Variants in LRRFIP1 observed in about 807,000 individuals in gnomAD.
LRRFIP1 encodes the protein LRR binding FLII interacting protein 1.
Under a neutral mutation model 104.4 loss-of-function variants are expected in LRRFIP1, and 62 were observed. The observed-to-expected ratio is 0.59, with a 90% CI of 0.48 to 0.73. The LOEUF (loss-of-function observed/expected upper bound fraction) is 0.73. Ranked by LOEUF, LRRFIP1 falls within the 30% of genes least tolerant of loss-of-function variation. The pLI is 0.00. For synonymous variants in LRRFIP1, 300 were observed against 299.0 expected (o/e 1.00, Z -0.03); for missense variants, 796 against 824.5 (o/e 0.97, Z 0.42).
chr2:237,739,706 T>C (rs1426442055), intron 11 of LRRFIP1, among the ~76,000 whole-genome samples: 2 of 152,176 alleles, frequency 1.3e-5, no homozygotes, highest in Non-Finnish European at 2.9e-5. Context: ...GTTACCCTCC[T>C]GGTTCTCAGA....
At chr2:237,714,650 C>T (rs562649740) in intron 3 of LRRFIP1, among the ~76,000 whole-genome samples, 1 of 152,268 alleles carries the variant, frequency 6.6e-6, no homozygotes, top group African/African-American at 2.4e-5. Context: ...TTAAAAAATT[C>T]CATACAAATT....
chr2:237,659,708 TC>T (rs1349489854), intron 1 of LRRFIP1, among the ~76,000 whole-genome samples: 1 of 151,568 alleles, frequency 6.6e-6, no homozygotes, highest in Non-Finnish European at 1.5e-5. Flanking sequence ...AGCGGTGCGA[TC>T]ATTGCTCATC....
At chr2:237,648,231 A>G (rs748675117) in intron 1 of LRRFIP1, among the ~76,000 whole-genome samples, 18 of 151,866 alleles carry the variant, frequency 1.2e-4, no homozygotes, top group Admixed American at 3.9e-4. Context: ...CTAGCAGCCA[A>G]CTCAGCACCC....
intron 1 of LRRFIP1, among the ~76,000 whole-genome samples, chr2:237,681,166 A>G (rs543665151): frequency 3.9e-5 from 6 of 152,226 alleles, no homozygotes; most frequent in Non-Finnish European, 8.8e-5. Flanking sequence ...AAATACTTTC[A>G]GTGGGTCCTT....
At chr2:237,764,768 T>A (rs2060150220) in intron 19 of LRRFIP1, 1 of 986,076 alleles carries the variant, frequency 1.0e-6, no homozygotes, top group South Asian at 4.7e-5. Context: ...CTTTACCTCA[T>A]ATGAGTCTTT....
At position 237,779,460 on chromosome 2, in the gene LRRFIP1, G is replaced by C; in HGVS notation, c.1851G>C (p.Val617=). The C allele has an allele frequency of 6.2e-7, 1 of 1,613,842 alleles. No homozygotes were observed. Among genetic ancestry groups the C allele is most frequent in the Non-Finnish European group, 8.5e-7 (1 of 1,179,770 alleles). The part of the protein sequence containing the change: ...SALDKTEELE[V]SNGHLVKRLE... ...TGGATAAAACAGAAGAGCTCGAGGT[G>C]AGCAACGGCCACTTAGTGAAGCGTC... The change falls in exon 24 of 24, where the codon GTG becomes GTC. Residue 617 remains valine, a synonymous_variant. Coordinates refer to ENST00000308482, the MANE Select transcript of LRRFIP1 (RefSeq NM_001137550.2).
At chr2:237,759,905 C>A (rs140421912) in intron 18 of LRRFIP1, among the ~76,000 whole-genome samples, 159 bp from the exon 19 acceptor site, 1 of 151,812 alleles carries the variant, frequency 6.6e-6, no homozygotes, top group Non-Finnish European at 1.5e-5. Flanking sequence ...GTGTGTTGAC[C>A]GAATATTTAC....
intron 1 of LRRFIP1, among the ~76,000 whole-genome samples, chr2:237,678,664 C>G (rs1441839330): frequency 1.3e-5 from 2 of 151,886 alleles, no homozygotes; most frequent in South Asian, 4.1e-4. Flanking sequence ...TGCCACCAAG[C>G]CCAGCTAATT....
At chr2:237,709,534 A>G (rs2093973546) in intron 2 of LRRFIP1, among the ~76,000 whole-genome samples, 1 of 152,214 alleles carries the variant, frequency 6.6e-6, no homozygotes, top group Non-Finnish European at 1.5e-5. Flanking sequence ...CAGTGTTTAA[A>G]ACCAGTGAGA....
At chr2:237,630,516 C>G (rs77947897) in intron 1 of LRRFIP1, among the ~76,000 whole-genome samples, 2 of 152,152 alleles carry the variant, frequency 1.3e-5, no homozygotes, top group Non-Finnish European at 2.9e-5. Context: ...ATAAAAAGGG[C>G]GTAGACAGTG....
At position 237,691,417 on chromosome 2, in the gene LRRFIP1, A is replaced by G. The variant is rs2092743210; in HGVS notation, c.97-17127A>G. On this transcript the variant is annotated intron_variant, in intron 1 of 23. Transcript: ENST00000308482. The surrounding 1 kb of genome is among the most constrained non-coding windows in gnomAD (Gnocchi z 5.4). The stretch of plus-strand genomic sequence containing the variant: ...GACGGTGTGGACCCCGGGTTCTGCG[A>G]CGCCAGATCGGCCCCAGCGGCCCGC... Among the ~76,000 whole-genome samples, 1 of 152,062 alleles carries G rather than the reference A, an allele frequency of 6.6e-6. No homozygotes were observed. Among genetic ancestry groups the G allele is most frequent in the African/African-American group, 2.4e-5 (1 of 41,380 alleles).
chr2:237,701,147 C>T (rs2093498703), intron 1 of LRRFIP1, among the ~76,000 whole-genome samples: 1 of 152,192 alleles, frequency 6.6e-6, no homozygotes, highest in African/African-American at 2.4e-5. Flanking sequence ...TTGAAGCAAG[C>T]TGCCCAGCGA....
intron 10 of LRRFIP1, among the ~76,000 whole-genome samples, chr2:237,736,296 A>G (rs2095244901): frequency 6.6e-6 from 1 of 152,226 alleles, no homozygotes. Flanking sequence ...CTTTTATATT[A>G]CATAAGTTGT....
At chr2:237,720,507 C>A (rs187279538) in intron 5 of LRRFIP1, among the ~76,000 whole-genome samples, 37 of 152,316 alleles carry the variant, frequency 2.4e-4, no homozygotes, top group Non-Finnish European at 4.3e-4. Context: ...GCCTCGGCCT[C>A]CCAAAATGCT....
At chr2:237,778,209 G>T (rs1315125206) in intron 23 of LRRFIP1, among the ~76,000 whole-genome samples, 1 of 152,198 alleles carries the variant, frequency 6.6e-6, no homozygotes, top group Admixed American at 6.5e-5. Context: ...GGCTTAACTT[G>T]TGGAAACTTC....
chr2:237,707,488 G>C (rs1057096366), intron 1 of LRRFIP1, among the ~76,000 whole-genome samples: 2 of 150,858 alleles, frequency 1.3e-5, no homozygotes, highest in African/African-American at 4.9e-5. Context: ...AAGAAAAAAA[G>C]GAAAAGATTA....
At chr2:237,697,845 A>G (rs1022325698) in intron 1 of LRRFIP1, among the ~76,000 whole-genome samples, 4 of 141,370 alleles carry the variant, frequency 2.8e-5, no homozygotes, top group Admixed American at 2.1e-4. Flanking sequence ...CGTCTCTGTT[A>G]GTGGTAGTCA....
chr2:237,706,738 C>T (rs929241116), intron 1 of LRRFIP1, among the ~76,000 whole-genome samples: 2 of 152,186 alleles, frequency 1.3e-5, no homozygotes, highest in African/African-American at 4.8e-5. Context: ...AGTGATCCTC[C>T]CACCTCAGCC....
At chr2:237,751,982 T>A (rs1019605670) in intron 14 of LRRFIP1, among the ~76,000 whole-genome samples, 4 of 152,184 alleles carry the variant, frequency 2.6e-5, no homozygotes, top group African/African-American at 9.7e-5. Flanking sequence ...ACCTGCAAGA[T>A]CATTTGAATT....
Sources: gnomAD v4.1 joint callset for allele counts (sites outside exome capture counted in the v4.1 genomes callset) on GRCh38, gnomAD v4.1.1 for gene constraint, Gnocchi (gnomAD v3.1) non-coding constraint, MANE v1.5 for transcripts, NCBI Gene and HGNC (gene_info 2026-07-23, HGNC 2026-07-21) for gene names.